The following STRN variants were observed in gnomAD, a reference collection of about 807,000 sequenced individuals.
STRN encodes protein phosphatase 2 regulatory subunit B'''alpha.
Under a neutral mutation model 96.3 loss-of-function variants are expected in STRN, and 53 were observed. The ratio of observed to expected loss-of-function variants is 0.55; its 90% CI spans 0.44 to 0.69. STRN has a LOEUF of 0.69. Ranked by LOEUF, STRN falls within the 30% of genes least tolerant of loss-of-function variation. STRN has a pLI of 0.00. For synonymous variants in STRN, 428 were observed against 355.9 expected, an observed-to-expected ratio of 1.20 and a Z score of -2.28; for missense variants, 987 against 963.9, an observed-to-expected ratio of 1.02 and a Z score of -0.32.
At chr2:36,935,625 G>A (rs1425126442) in intron 1 of STRN, among the ~76,000 whole-genome samples, 1 of 152,206 alleles carries the variant, frequency 6.6e-6, no homozygotes, top group Non-Finnish European at 1.5e-5. Context: ...CTTCCCACTT[G>A]TATTGAGGAC....
chr2:36,874,704 CTA>C (rs1206539861), intron 10 of STRN, among the ~76,000 whole-genome samples: 1 of 127,518 alleles, frequency 7.8e-6, no homozygotes, highest in East Asian at 2.6e-4. Flanking sequence ...CAGTAAAATA[CTA>C]TGTTTAGAGT....
rs1026086995 is a variant in STRN, at chr2:36,853,997, T to C, written c.1978+1215A>G. Among the ~76,000 whole-genome samples the C allele has an allele frequency of 5.3e-5, 8 of 152,224 alleles. No homozygotes were observed. The South Asian group carries it at 8.3e-4, about 16-fold the overall frequency. ...GTTTCCAGTGTCAAGTAAAAAGTCC[T>C]ATTAATTTAGAGTCACATCTCTTGG... On this transcript the variant is annotated intron_variant, in intron 15 of 17. Coordinates refer to ENST00000263918, the MANE Select transcript of STRN (RefSeq NM_003162.4).
chr2:36,944,441 G>A (rs530645517), intron 1 of STRN, among the ~76,000 whole-genome samples: 1 of 152,212 alleles, frequency 6.6e-6, no homozygotes, highest in African/African-American at 2.4e-5. Context: ...TAATGTGTAA[G>A]AGAATAAGAC....
intron 7 of STRN, among the ~76,000 whole-genome samples, chr2:36,892,964 G>A (rs1669438670): frequency 6.6e-6 from 1 of 152,014 alleles, no homozygotes; most frequent in Admixed American, 6.6e-5. Flanking sequence ...AAGTTGCAGT[G>A]AGCCAGGATC....
rs186337583 is a variant in STRN at position 36,955,174 on chromosome 2, G to C, written c.234+11056C>G. 1.4e-4 allele frequency among the ~76,000 whole-genome samples: 21 copies of C among 152,332 alleles called. No individual in the cohort carries two copies. The East Asian group carries it at 3.3e-3, about 24-fold the overall frequency. On this transcript the variant is annotated intron_variant, in intron 1 of 17. Coordinates refer to ENST00000263918, the MANE Select transcript of STRN (RefSeq NM_003162.4). ...ACAGAGTGAGGGACCAAAAAAAGGA[G>C]AGGATATGGTATAGAGAGCAATGCC...
chr2:36,849,878 G>C, intron 16 of STRN, 78 bp from the exon 17 acceptor site: 4 of 1,362,034 alleles, frequency 2.9e-6, no homozygotes, highest in Non-Finnish European at 4.2e-6. Context: ...TGTCCTGCTG[G>C]TTTCTCCAGT....
chr2:36,953,043 C>T (rs1338761933), intron 1 of STRN, among the ~76,000 whole-genome samples: 1 of 152,202 alleles, frequency 6.6e-6, no homozygotes, highest in African/African-American at 2.4e-5. Flanking sequence ...TTTCTCATAA[C>T]TAGATATACC....
At chr2:36,908,528 G>A (rs946188598) in intron 3 of STRN, among the ~76,000 whole-genome samples, 24 of 152,274 alleles carry the variant, frequency 1.6e-4, no homozygotes, top group South Asian at 4.1e-4. Context: ...GGGGATTAGC[G>A]TACGGAGGGA....
At chr2:36,961,322 C>G (rs1331464623) in intron 1 of STRN, among the ~76,000 whole-genome samples, 1 of 151,596 alleles carries the variant, frequency 6.6e-6, no homozygotes, top group Non-Finnish European at 1.5e-5. Context: ...CCATGTTGCC[C>G]AGGCTAGTCT....
intron 2 of STRN, among the ~76,000 whole-genome samples, chr2:36,919,661 G>A (rs1424869822): frequency 6.6e-6 from 1 of 152,162 alleles, no homozygotes; most frequent in Non-Finnish European, 1.5e-5. Context: ...TCATATTTGT[G>A]TTTTAGAAAA....
chr2:36,858,528 A>G (rs1244171038), intron 13 of STRN, among the ~76,000 whole-genome samples: 1 of 152,206 alleles, frequency 6.6e-6, no homozygotes, highest in Non-Finnish European at 1.5e-5. Context: ...AGTGACATCT[A>G]CAGGAATCCC....
chr2:36,951,496 T>C (rs1437174535), intron 1 of STRN, among the ~76,000 whole-genome samples: 2 of 152,198 alleles, frequency 1.3e-5, no homozygotes, highest in East Asian at 1.9e-4. Context: ...AACCAAAATA[T>C]ACTGTACATT....
At chr2:36,865,297 T>A (rs1668592905) in intron 12 of STRN, among the ~76,000 whole-genome samples, 1 of 152,230 alleles carries the variant, frequency 6.6e-6, no homozygotes, top group Non-Finnish European at 1.5e-5. Flanking sequence ...CTGGTTTTTG[T>A]ATTTCTGTGG....
chr2:36,870,000 T>C (rs1434459386), intron 10 of STRN, among the ~76,000 whole-genome samples: 1 of 152,110 alleles, frequency 6.6e-6, no homozygotes, highest in African/African-American at 2.4e-5. Context: ...ATAAAATAGA[T>C]CTTACTAGGA....
intron 5 of STRN, among the ~76,000 whole-genome samples, chr2:36,902,266 T>C (rs1305134471): frequency 1.3e-5 from 2 of 152,202 alleles, no homozygotes; most frequent in African/African-American, 4.8e-5. Flanking sequence ...TCACCAATCA[T>C]GAAACGTCAT....
intron 1 of STRN, among the ~76,000 whole-genome samples, chr2:36,930,328 A>T (rs535555693): frequency 6.6e-6 from 1 of 151,990 alleles, no homozygotes; most frequent in Non-Finnish European, 1.5e-5. Context: ...GCTACTCAGG[A>T]GGCTGAGACA....
chr2:36,862,093 C>T (rs749435117), intron 12 of STRN, among the ~76,000 whole-genome samples: 1 of 152,188 alleles, frequency 6.6e-6, no homozygotes, highest in African/African-American at 2.4e-5. Flanking sequence ...CTGCAAAGGA[C>T]AGGATCTCAT....
chr2:36,863,212 T>C (rs1451264264), intron 12 of STRN, among the ~76,000 whole-genome samples: 2 of 152,206 alleles, frequency 1.3e-5, no homozygotes, highest in Admixed American at 6.5e-5. Context: ...TTGGTCATTG[T>C]TGCAATTGCT....
intron 14 of STRN, 83 bp downstream of exon 14, chr2:36,857,773 A>C: frequency 8.5e-7 from 1 of 1,180,596 alleles, no homozygotes; most frequent in Non-Finnish European, 1.2e-6. Context: ...TAAAGAGTTC[A>C]GGGAATCATT....
Sources: allele counts gnomAD v4.1 joint callset (sites outside exome capture counted in the v4.1 genomes callset), GRCh38; gene constraint gnomAD v4.1.1; transcripts MANE v1.5; gene names NCBI Gene and HGNC (gene_info 2026-07-23, HGNC 2026-07-21).